Variants in RANBP9 observed in about 807,000 individuals in gnomAD.
RANBP9 encodes the protein RAN binding protein 9.
A neutral mutation model predicts 84.3 loss-of-function variants in RANBP9; 15 were observed. The ratio of observed to expected loss-of-function variants is 0.18; its 90% CI spans 0.12 to 0.27. RANBP9 has a LOEUF of 0.27. Ranked by LOEUF, RANBP9 falls within the 10% of genes least tolerant of loss-of-function variation. RANBP9 has a pLI of 1.00. For synonymous variants in RANBP9, 392 were observed against 349.6 expected (o/e 1.12, Z -1.35); for missense variants, 809 against 912.8 (o/e 0.89, Z 1.46).
chr6:13,692,591 C>T (rs190299218), intron 2 of RANBP9, among the ~76,000 whole-genome samples: 125 of 148,796 alleles, frequency 8.4e-4, no homozygotes, highest in African/African-American at 2.8e-3. Context: ...GTGGCTCACA[C>T]CTGTAATCCC....
chr6:13,649,918 A>ACCTTATGTAATTTTCAGAT (rs1424215713), intron 5 of RANBP9, among the ~76,000 whole-genome samples: 1 of 152,060 alleles, frequency 6.6e-6, no homozygotes, highest in Non-Finnish European at 1.5e-5. Context: ...CAATTCTCAG[A>ACCTTATGTAATTTTCAGAT]CCTTATGTAA....
At chr6:13,650,808 C>CA (rs1765279581) in intron 5 of RANBP9, among the ~76,000 whole-genome samples, 2 of 152,134 alleles carry the variant, frequency 1.3e-5, no homozygotes, top group East Asian at 1.9e-4. Context: ...ACCAAAAATA[C>CA]AAAAAATCAG....
At chr6:13,640,183 T>C (rs1765032600) in intron 8 of RANBP9, among the ~76,000 whole-genome samples, 1 of 152,164 alleles carries the variant, frequency 6.6e-6, no homozygotes, top group African/African-American at 2.4e-5. Context: ...TTAACCAAAA[T>C]GGGCCTCATT....
chr6:13,678,609 C>G (rs1472718265), intron 2 of RANBP9, among the ~76,000 whole-genome samples: 1 of 152,142 alleles, frequency 6.6e-6, no homozygotes, highest in Admixed American at 6.5e-5. Flanking sequence ...AGCTCAAAGC[C>G]TGGAGGAATC....
chr6:13,681,584 C>CA (rs57354366), intron 2 of RANBP9, among the ~76,000 whole-genome samples: 3,018 of 143,730 alleles, frequency 0.021, 33 homozygotes, highest in Middle Eastern at 0.045. Context: ...CTAAACCTCT[C>CA]AAAAAAAAAA....
chr6:13,652,567 C>T, intron 5 of RANBP9, 92 bp downstream of exon 5: 1 of 1,195,178 alleles, frequency 8.4e-7, no homozygotes, highest in Non-Finnish European at 1.2e-6. Flanking sequence ...ATCAATAAGA[C>T]TGTATTTTAA....
chr6:13,658,262 T>C (rs1417852094), intron 3 of RANBP9, among the ~76,000 whole-genome samples: 1 of 143,668 alleles, frequency 7.0e-6, no homozygotes, highest in Admixed American at 7.5e-5. Context: ...AAAAAAAGCA[T>C]GATATATATA....
Position 13,653,712 on chromosome 6 carries a change from A to T in RANBP9, c.905-1031T>A, listed in dbSNP as rs534166913. ...ATTAATAAAGTTAAAAGACAAACTG[A>T]AAATAAATTTTATACTTTTAAAATA... On this transcript the variant is annotated intron_variant, in intron 4 of 13. Coordinates refer to ENST00000011619, the MANE Select transcript of RANBP9 (RefSeq NM_005493.3). Among the ~76,000 whole-genome samples the T allele has an allele frequency of 2.6e-5, 4 of 152,254 alleles. No homozygotes were observed. The South Asian group carries it at 8.3e-4, about 32-fold the overall frequency.
At chr6:13,631,321 CT>C (rs1764774672) in intron 12 of RANBP9, among the ~76,000 whole-genome samples, 1 of 152,278 alleles carries the variant, frequency 6.6e-6, no homozygotes, top group East Asian at 1.9e-4. Flanking sequence ...TTGAGGTGCT[CT>C]ATAACACATC....
chr6:13,667,127 A>G lies in RANBP9; in HGVS notation c.684-8295T>C, dbSNP rs142596508. 3.3e-3 allele frequency among the ~76,000 whole-genome samples: 507 copies of G among 152,314 alleles called. 2 individuals carry two copies. Among genetic ancestry groups the G allele is most frequent in the African/African-American group, 0.012 (493 of 41,582 alleles). On this transcript the variant is annotated intron_variant, in intron 2 of 13. Coordinates refer to ENST00000011619, the MANE Select transcript of RANBP9 (RefSeq NM_005493.3). ...ATGAACATGAAGATTTTTCAGATCA[A>G]TATGTCAACGTAGATCATCACAAAT...
intron 5 of RANBP9, among the ~76,000 whole-genome samples, chr6:13,650,663 T>C (rs1177302691): frequency 6.6e-6 from 1 of 152,230 alleles, no homozygotes; most frequent in Non-Finnish European, 1.5e-5. Context: ...GTGCACGATG[T>C]AATCAGCAGC....
intron 7 of RANBP9, 91 bp downstream of exon 7, chr6:13,642,384 ATTTT>A (rs1175082620): frequency 2.3e-5 from 12 of 528,788 alleles, no homozygotes; most frequent in Non-Finnish European, 2.9e-5. Context: ...TATATTTGAA[ATTTT>A]TTTAATTAAA....
intron 2 of RANBP9, among the ~76,000 whole-genome samples, chr6:13,668,191 C>T (rs544524033): frequency 6.5e-4 from 99 of 152,164 alleles, no homozygotes; most frequent in African/African-American, 2.3e-3. Context: ...TACATAACCT[C>T]CTTTAAATGG....
chr6:13,710,209 A>C (rs1331731227), intron 1 of RANBP9, among the ~76,000 whole-genome samples: 1 of 152,160 alleles, frequency 6.6e-6, no homozygotes, highest in African/African-American at 2.4e-5. Context: ...TTTCTTCAAA[A>C]TACTAAGCTG....
At chr6:13,700,907 C>CATA (rs1757952252) in intron 1 of RANBP9, among the ~76,000 whole-genome samples, 1 of 152,174 alleles carries the variant, frequency 6.6e-6, no homozygotes, top group South Asian at 2.1e-4. Context: ...TTATAGTTTG[C>CATA]ATAAGTCCTG....
intron 5 of RANBP9, among the ~76,000 whole-genome samples, chr6:13,651,330 T>C (rs983944929): frequency 6.6e-6 from 1 of 152,068 alleles, no homozygotes; most frequent in Non-Finnish European, 1.5e-5. Context: ...TGCAATAGTC[T>C]TCTCACAGGT....
chr6:13,632,697 C>G, intron 11 of RANBP9, 176 bp from the exon 12 acceptor site: 1 of 620,040 alleles, frequency 1.6e-6, no homozygotes, highest in Non-Finnish European at 2.7e-6. Context: ...AAAAGATATA[C>G]TTTATTTAGC....
chr6:13,692,527 CAAAAAAAAAAAAAAAAA>C (rs61237158), intron 2 of RANBP9, among the ~76,000 whole-genome samples: 3 of 28,718 alleles, frequency 1.0e-4, no homozygotes, highest in African/African-American at 2.7e-4. Flanking sequence ...AACTCCGTCT[CAAAAAAAAAAAAAAAAA>C]AAAAAAAAAA....
intron 2 of RANBP9, among the ~76,000 whole-genome samples, chr6:13,662,762 G>T (rs1048898057): frequency 6.6e-6 from 1 of 152,158 alleles, no homozygotes; most frequent in African/African-American, 2.4e-5. Context: ...CCCGGCCTAA[G>T]GTGTTTTGTT....
Sources: allele counts gnomAD v4.1 joint callset (sites outside exome capture counted in the v4.1 genomes callset), GRCh38; gene constraint gnomAD v4.1.1; transcripts MANE v1.5; gene names NCBI Gene and HGNC (gene_info 2026-07-23, HGNC 2026-07-21).